Variants in SEM1 observed in about 807,000 individuals in gnomAD.
SEM1 encodes 26S proteasome complex subunit SEM1.
Under a neutral mutation model 12.7 loss-of-function variants are expected in SEM1, and 3 were observed. The ratio of observed to expected loss-of-function variants is 0.24; its 90% CI spans 0.11 to 0.61. The LOEUF (loss-of-function observed/expected upper bound fraction) is 0.61, where lower values mean the gene tolerates loss of function less well. SEM1 is among the 20% of genes least tolerant of loss of function. SEM1 has a pLI of 0.88. For missense variants in SEM1, 59 were observed against 81.3 expected (o/e 0.73, Z 1.06); for synonymous variants, 30 against 27.8 (o/e 1.08, Z -0.25).
At chr7:96,673,809 T>C (rs766267378) in exon 3 of SEM1, 4 of 765,076 alleles carry the variant, frequency 5.2e-6, no homozygotes, top group East Asian at 2.4e-5. Flanking sequence ...GTGGAGAACA[T>C]AGCAGCCATA....
intron 2 of SEM1, among the ~76,000 whole-genome samples, chr7:96,641,749 T>A: frequency 6.6e-6 from 1 of 152,050 alleles, no homozygotes; most frequent in Non-Finnish European, 1.5e-5. Flanking sequence ...GTTTAAGTTT[T>A]ACATTACACA....
upstream of SEM1, among the ~76,000 whole-genome samples, chr7:96,497,565 C>T (rs1218671425): frequency 1.3e-5 from 2 of 152,128 alleles, no homozygotes; most frequent in Non-Finnish European, 2.9e-5. Flanking sequence ...CAGCTGAGGA[C>T]TGCTTTATAA....
At chr7:96,691,990 T>C (rs1459766546) in intron 2 of SEM1, among the ~76,000 whole-genome samples, 4 of 152,194 alleles carry the variant, frequency 2.6e-5, no homozygotes, top group African/African-American at 9.6e-5. Context: ...TCAAGATTTA[T>C]ATACCTCAGG....
chr7:96,568,429 C>T (rs991093261), intron 2 of SEM1, among the ~76,000 whole-genome samples: 3 of 151,734 alleles, frequency 2.0e-5, no homozygotes, highest in African/African-American at 7.3e-5. Context: ...TTTTAAAATT[C>T]ATTCATTTCA....
At chr7:96,688,682 T>C, downstream of SEM1, 1 of 312,528 alleles carries the variant, frequency 3.2e-6, no homozygotes, top group Non-Finnish European at 5.7e-6. Context: ...GAAATTTTAC[T>C]ATCTATATAT....
chr7:96,579,200 A>T (rs1584779263), intron 2 of SEM1, among the ~76,000 whole-genome samples: 1 of 152,248 alleles, frequency 6.6e-6, no homozygotes, highest in East Asian at 1.9e-4. Context: ...TGCCATCATG[A>T]AATCATTTCT....
chr7:96,647,793 G>A (rs936843653), intron 2 of SEM1, among the ~76,000 whole-genome samples: 4 of 152,154 alleles, frequency 2.6e-5, no homozygotes, highest in Admixed American at 6.6e-5. Context: ...AAACAGAATT[G>A]CAAATGTTTG....
At chr7:96,674,010 G>A (rs1311730983) in intron 2 of SEM1, among the ~76,000 whole-genome samples, 3 of 151,734 alleles carry the variant, frequency 2.0e-5, no homozygotes, top group African/African-American at 7.3e-5. Flanking sequence ...CCCTCTCCCT[G>A]ACTCCCGCCA....
chr7:96,515,926 AATG>A (rs1584729065), intron 2 of SEM1, among the ~76,000 whole-genome samples: 2 of 152,088 alleles, frequency 1.3e-5, no homozygotes, highest in East Asian at 3.9e-4. Context: ...ACCTAATGTA[AATG>A]ATGAGTTGAT....
chr7:96,635,643 TAGAG>T (rs67581200), intron 2 of SEM1, among the ~76,000 whole-genome samples: 3,136 of 152,088 alleles, frequency 0.021, 105 homozygotes, highest in African/African-American at 0.072. Flanking sequence ...ACAAACAAAA[TAGAG>T]AGCACTACCT....
chr7:96,543,647 T>C (rs1036398070), intron 2 of SEM1, among the ~76,000 whole-genome samples: 1 of 152,022 alleles, frequency 6.6e-6, no homozygotes, highest in Non-Finnish European at 1.5e-5. Flanking sequence ...ATCATAGCAT[T>C]AACCTAAGGA....
chr7:96,620,469 C>CAATG (rs1459534360), downstream of SEM1, among the ~76,000 whole-genome samples: 5 of 152,162 alleles, frequency 3.3e-5, no homozygotes, highest in African/African-American at 1.2e-4. Context: ...CTTTCTGGAG[C>CAATG]AATGTCTCTG....
intron 1 of SEM1, among the ~76,000 whole-genome samples, chr7:96,702,907 T>A (rs180798565): frequency 6.6e-6 from 1 of 152,180 alleles, no homozygotes; most frequent in Non-Finnish European, 1.5e-5. Flanking sequence ...CTACAAAATA[T>A]CTGGCCTGTA....
intron 2 of SEM1, among the ~76,000 whole-genome samples, chr7:96,617,408 G>A (rs1807753916): frequency 6.6e-6 from 1 of 152,106 alleles, no homozygotes; most frequent in Admixed American, 6.5e-5. Flanking sequence ...AGAAACTACT[G>A]AATTTATTAT....
intron 2 of SEM1, among the ~76,000 whole-genome samples, chr7:96,532,507 AT>A (rs1364005220): frequency 6.6e-6 from 1 of 152,098 alleles, no homozygotes; most frequent in African/African-American, 2.4e-5. Flanking sequence ...CAGATATAAT[AT>A]TTCTTAACCT....
chr7:96,495,602 T>C (rs183717632), intron 1 of SEM1, among the ~76,000 whole-genome samples: 1 of 152,300 alleles, frequency 6.6e-6, no homozygotes, highest in Admixed American at 6.5e-5. Flanking sequence ...TCTGGCTTGG[T>C]TGACAGACAG....
At chr7:96,604,354 A>G (rs1807281605) in intron 2 of SEM1, among the ~76,000 whole-genome samples, 1 of 152,170 alleles carries the variant, frequency 6.6e-6, no homozygotes, top group South Asian at 2.1e-4. Context: ...AGAGTTTAGG[A>G]AGACATTATG....
At chr7:96,655,717 G>T (rs1584839244) in intron 2 of SEM1, among the ~76,000 whole-genome samples, 1 of 152,200 alleles carries the variant, frequency 6.6e-6, no homozygotes, top group East Asian at 1.9e-4. Flanking sequence ...ATCACAGCAG[G>T]TGTTGAGGGT....
At chr7:96,555,717 A>C (rs1052847253) in intron 2 of SEM1, among the ~76,000 whole-genome samples, 26 of 143,144 alleles carry the variant, frequency 1.8e-4, no homozygotes, top group African/African-American at 5.4e-4. Context: ...CACTTGGTGC[A>C]GAGCTGAGTT....
Sources: gnomAD v4.1 joint callset for allele counts (sites outside exome capture counted in the v4.1 genomes callset) on GRCh38, gnomAD v4.1.1 for gene constraint, MANE v1.5 for transcripts, NCBI Gene and HGNC (gene_info 2026-07-23, HGNC 2026-07-21) for gene names.